The following TSEN2 variants were observed in gnomAD, a reference collection of about 807,000 sequenced individuals.
TSEN2 encodes tRNA splicing endonuclease subunit 2.
Under a neutral mutation model 59.2 loss-of-function variants are expected in TSEN2, and 54 were observed. That is an observed-to-expected ratio of 0.91 (90% CI 0.73 to 1.14). The LOEUF (loss-of-function observed/expected upper bound fraction) is 1.14. TSEN2 is among the 50% of genes most tolerant of loss of function. TSEN2 has a pLI of 0.00. For missense variants in TSEN2, 636 were observed against 576.2 expected, an observed-to-expected ratio of 1.10 and a Z score of -1.06; for synonymous variants, 195 against 198.2, an observed-to-expected ratio of 0.98 and a Z score of 0.14.
chr3:12,539,196 C>G (rs983045717), exon 11 of TSEN2: 4 of 420,602 alleles, frequency 9.5e-6, no homozygotes, highest in African/African-American at 2.1e-5. Flanking sequence ...TCCAATGCTG[C>G]GATCTTGGAT....
At chr3:12,481,329 C>T (rs1391123315), upstream of TSEN2, among the ~76,000 whole-genome samples, 4 of 152,122 alleles carry the variant, frequency 2.6e-5, no homozygotes, top group Admixed American at 6.5e-5. Context: ...CAATACTTCA[C>T]TGTCACAGTC....
At chr3:12,484,403 G>T (rs2052371492), upstream of TSEN2, 1 of 152,266 alleles carries the variant, frequency 6.6e-6, no homozygotes, top group Non-Finnish European at 1.5e-5. Context: ...AGTCCCGACG[G>T]GAGCTCTGCG....
At chr3:12,485,466 G>A (rs1300095345) in intron 1 of TSEN2, among the ~76,000 whole-genome samples, 1 of 152,164 alleles carries the variant, frequency 6.6e-6, no homozygotes, top group African/African-American at 2.4e-5. Flanking sequence ...GCCCCTCCGA[G>A]TCACTTTCCA....
At chr3:12,516,408 G>C in intron 6 of TSEN2, among the ~76,000 whole-genome samples, 1 of 151,868 alleles carries the variant, frequency 6.6e-6, no homozygotes, top group East Asian at 1.9e-4. Context: ...CTGGACGACA[G>C]AGTGAGACTC....
At position 12,529,740 on chromosome 3, in the gene TSEN2, A is replaced by G. The variant is rs755772519; in HGVS notation, c.1137-22A>G. 1.3e-5 allele frequency: 21 copies of G among 1,606,518 alleles called. No individual in the cohort carries two copies. In the Admixed American group the frequency reaches 1.3e-4, roughly 10 times the overall value. ...GATTTATTTCATGATTACTTTTAAC[A>G]TGCTTTTTCTGTATTTTCCAGTTAT... On this transcript the variant is annotated intron_variant, in intron 9 of 11. Transcript: ENST00000284995.
intron 8 of TSEN2, among the ~76,000 whole-genome samples, chr3:12,528,174 A>G (rs1248206248): frequency 6.6e-6 from 1 of 152,208 alleles, no homozygotes; most frequent in East Asian, 1.9e-4. Context: ...TGGCCAGAGT[A>G]GTGAGTCAGA....
intron 1 of TSEN2, among the ~76,000 whole-genome samples, chr3:12,487,563 T>G (rs1039763369): frequency 1.3e-5 from 2 of 151,982 alleles, no homozygotes; most frequent in African/African-American, 4.8e-5. Context: ...GTTATAAAAG[T>G]GAAAAATCCC....
At chr3:12,492,337 A>G in intron 3 of TSEN2, 120 bp downstream of exon 3, 1 of 804,212 alleles carries the variant, frequency 1.2e-6, no homozygotes, top group East Asian at 2.6e-5. Flanking sequence ...TGGCAGTTTT[A>G]CTGCCAAAGT....
chr3:12,493,629 A>G (rs550130733), intron 3 of TSEN2, among the ~76,000 whole-genome samples: 118 of 152,310 alleles, frequency 7.7e-4, no homozygotes, highest in African/African-American at 2.7e-3. Flanking sequence ...CAGGAGGCTG[A>G]GGCAGGAGAA....
At chr3:12,509,715 G>T (rs2055230255) in intron 6 of TSEN2, among the ~76,000 whole-genome samples, 1 of 152,142 alleles carries the variant, frequency 6.6e-6, no homozygotes, top group Non-Finnish European at 1.5e-5. Flanking sequence ...TTGCTTGAGG[G>T]ACTAAGAAGT....
intron 8 of TSEN2, among the ~76,000 whole-genome samples, chr3:12,523,314 GC>G (rs995147205): frequency 6.6e-6 from 1 of 152,020 alleles, no homozygotes; most frequent in African/African-American, 2.4e-5. Context: ...TGAGCTTTCT[GC>G]CAATTTGAAG....
chr3:12,528,811 C>T, intron 8 of TSEN2, 77 bp from the exon 9 acceptor site: 1 of 1,509,678 alleles, frequency 6.6e-7, no homozygotes, highest in Non-Finnish European at 9.2e-7. Context: ...GTTAATAAAG[C>T]AAGCTTTTTG....
chr3:12,516,670 CT>C lies in TSEN2; in HGVS notation c.960+12del. 6.2e-7 allele frequency: 1 copy of C among 1,613,526 alleles called. No homozygotes were observed. Among genetic ancestry groups the C allele is most frequent in the Non-Finnish European group, 8.5e-7 (1 of 1,179,642 alleles). On this transcript the variant is annotated intron_variant, in intron 7 of 11. Coordinates refer to ENST00000284995, the MANE Select transcript of TSEN2 (RefSeq NM_025265.4). The stretch of plus-strand genomic sequence containing the variant: ...GTATTTACTATGAGAAGGTAAGATG[CT>C]TTGTTTACATACAACCCACTTAAAA...
intron 8 of TSEN2, among the ~76,000 whole-genome samples, chr3:12,524,774 G>A (rs1476001751): frequency 1.5e-5 from 2 of 131,748 alleles, no homozygotes; most frequent in Non-Finnish European, 3.1e-5. Context: ...ACAGAGTGTC[G>A]CTCTGTTGCT....
chr3:12,533,747 C>G (rs2057599953), downstream of TSEN2: 1 of 149,666 alleles, frequency 6.7e-6, no homozygotes, highest in Admixed American at 6.7e-5. Context: ...AATACTTAGG[C>G]TAAGGTGGTA....
At chr3:12,512,320 C>T (rs1040371169) in intron 6 of TSEN2, among the ~76,000 whole-genome samples, 2 of 152,150 alleles carry the variant, frequency 1.3e-5, no homozygotes, top group African/African-American at 2.4e-5. Context: ...TGGAGAAAGA[C>T]GTGTGTGCTG....
At chr3:12,538,428 C>G (rs946725790), downstream of TSEN2, among the ~76,000 whole-genome samples, 1 of 151,890 alleles carries the variant, frequency 6.6e-6, no homozygotes, top group Non-Finnish European at 1.5e-5. Context: ...TGGCAAGTAT[C>G]TGATTGTGTA....
intron 4 of TSEN2, among the ~76,000 whole-genome samples, chr3:12,502,868 TC>T (rs1283148899): frequency 1.3e-5 from 2 of 151,980 alleles, no homozygotes; most frequent in Non-Finnish European, 2.9e-5. Flanking sequence ...GGTCAGGAGA[TC>T]GAGACCATCC....
At chr3:12,480,893 A>G (rs1036888881), upstream of TSEN2, among the ~76,000 whole-genome samples, 7 of 152,236 alleles carry the variant, frequency 4.6e-5, no homozygotes, top group Admixed American at 2.6e-4. Context: ...AAAAGAGCAT[A>G]AGCCCCGTAG....
Sources: allele counts gnomAD v4.1 joint callset (sites outside exome capture counted in the v4.1 genomes callset), GRCh38; gene constraint gnomAD v4.1.1; transcripts MANE v1.5; gene names NCBI Gene and HGNC (gene_info 2026-07-23, HGNC 2026-07-21).